ATP11A: variants seen among roughly 807,000 people sequenced by gnomAD.
The protein encoded by ATP11A is phospholipid-transporting ATPase IH.
Under a neutral mutation model 154.4 loss-of-function variants are expected in ATP11A, and 81 were observed. The ratio of observed to expected loss-of-function variants is 0.52; its 90% CI spans 0.44 to 0.63. The LOEUF is 0.63. Ranked by LOEUF, ATP11A falls within the 30% of genes least tolerant of loss-of-function variation. The pLI, the probability that ATP11A is intolerant of heterozygous loss-of-function variation, is 0.00. For synonymous variants in ATP11A, 623 were observed against 585.9 expected (o/e 1.06, Z -0.91); for missense variants, 1,316 against 1,474.3 (o/e 0.89, Z 1.76).
intron 1 of ATP11A, among the ~76,000 whole-genome samples, chr13:112,730,235 A>G (rs1594452533): frequency 6.6e-6 from 1 of 152,216 alleles, no homozygotes; most frequent in Non-Finnish European, 1.5e-5. Flanking sequence ...ATCTGCCAGG[A>G]CATGGGCAGC....
At chr13:112,857,789 G>A in intron 20 of ATP11A, 29 bp from the exon 21 acceptor site, 2 of 1,563,424 alleles carry the variant, frequency 1.3e-6, no homozygotes, top group African/African-American at 1.4e-5. Context: ...AAACAGAGAA[G>A]ATAAATTCCG....
chr13:112,856,097 C>A lies in ATP11A; in HGVS notation c.2418+12C>A. On this transcript the variant is annotated intron_variant, in intron 20 of 29. Transcript: ENST00000375645. ...TGCAGAAGGCTCAGGTGCTGCCCGC[C>A]CGTCCTCGATAGCTGGTGGTCAGGG... 6.2e-7 allele frequency: 1 copy of A among 1,607,232 alleles called. No individual in the cohort carries two copies. Among genetic ancestry groups the A allele is most frequent in the Non-Finnish European group, 8.5e-7 (1 of 1,176,846 alleles).
At chr13:112,738,929 A>G (rs1034058155) in intron 1 of ATP11A, among the ~76,000 whole-genome samples, 1 of 152,092 alleles carries the variant, frequency 6.6e-6, no homozygotes, top group African/African-American at 2.4e-5. Context: ...TGGGGTAGGA[A>G]GTGGCGTCTC....
Position 112,854,456 on chromosome 13 carries a change from G to C in ATP11A, c.2169G>C (p.Leu723=). ...LTTKRIEEQS[L]HDVLFELSKT... ...CCAAGAGGATCGAGGAGCAGAGCCT[G>C]CACGACGTCCTGTTCGAGCTGAGCA... Residue 723 remains leucine, a synonymous_variant, in exon 19 of 30, where the codon CTG becomes CTC. Coordinates refer to ENST00000375645, the MANE Select transcript of ATP11A (RefSeq NM_015205.3). 2 of 1,612,868 alleles carry C rather than the reference G, an allele frequency of 1.2e-6. No individual in the cohort carries two copies. The highest frequency in any genetic ancestry group is 1.7e-6 in the Non-Finnish European group (2 of 1,180,024).
chr13:112,823,366 G>C lies in ATP11A; in HGVS notation c.747G>C (p.Leu249=). 1 of 1,613,786 alleles carries C rather than the reference G, an allele frequency of 6.2e-7. No homozygotes were observed. The highest frequency in any genetic ancestry group is 8.5e-7 in the Non-Finnish European group (1 of 1,179,822). Residue 249 remains leucine, a synonymous_variant, in exon 9 of 30, where the codon CTG becomes CTC. Transcript: ENST00000375645. ...ACAGGCCCTTAGGATCGGAAAACCT[G>C]CTGCTTAGAGGAGCTACACTGAAGA... is the stretch of plus-strand genomic sequence containing the variant. ...PVVRPLGSEN[L]LLRGATLKNT...
At chr13:112,787,869 G>T (rs1011059718) in intron 2 of ATP11A, among the ~76,000 whole-genome samples, 8 of 148,916 alleles carry the variant, frequency 5.4e-5, no homozygotes, top group Admixed American at 4.0e-4. Flanking sequence ...AGACCCTTGT[G>T]GAGACCTACT....
At chr13:112,844,042 A>G (rs546288180) in intron 17 of ATP11A, among the ~76,000 whole-genome samples, 5 of 152,284 alleles carry the variant, frequency 3.3e-5, no homozygotes, top group Non-Finnish European at 7.4e-5. Context: ...TCGACACACA[A>G]TGAGCCTCAG....
Position 112,832,973 on chromosome 13 carries a change from G to T in ATP11A, c.1509G>T (p.Val503=). Residue 503 remains valine (V), a synonymous_variant, in exon 14 of 30, where the codon GTG becomes GTT. Coordinates refer to ENST00000375645, the MANE Select transcript of ATP11A (RefSeq NM_015205.3). ...RKSPDGGKSC[V]YISSSPDEVA... is the part of the protein sequence containing the mutation. ...CGCCGGACGGGGGGAAATCCTGTGT[G>T]TACATCTCATCCTCGCCCGACGAGG... 1 of 1,613,876 alleles carries T rather than the reference G, an allele frequency of 6.2e-7. No homozygotes were observed. Among genetic ancestry groups the T allele is most frequent in the Non-Finnish European group, 8.5e-7 (1 of 1,179,908 alleles).
rs1207787693 is a variant in ATP11A, at chr13:112,858,231, G to C, written c.2608G>C (p.Val870Leu). ...TAAGCATTTGAAGAAGATGCTGCTTGTTCACGGGCATTTTTATTACATTAG... is the reference window on the plus strand; with the variant it reads ...TAAGCATTTGAAGAAGATGCTGCTTCTTCACGGGCATTTTTATTACATTAG... ...KFKHLKKMLL[V>L]HGHFYYIRIS... Residue 870 changes from valine to leucine, a missense_variant, in exon 22 of 30, where the codon GTT (valine) becomes CTT (leucine). Val to Leu is a conservative substitution (Grantham distance 32). This residue lies in a region of ATP11A where 19 missense variants were observed against 46.6 expected (regional missense o/e 0.41). Coordinates refer to ENST00000375645, the MANE Select transcript of ATP11A (RefSeq NM_015205.3). The C allele has an allele frequency of 1.9e-6, 3 of 1,614,008 alleles. No individual in the cohort carries two copies. Among genetic ancestry groups the C allele is most frequent in the Non-Finnish European group, 1.7e-6 (2 of 1,180,014 alleles).
At position 112,753,402 on chromosome 13, in the gene ATP11A, C is replaced by T. The variant is rs2076742741; in HGVS notation, c.40-31733C>T. 6.6e-6 allele frequency among the ~76,000 whole-genome samples: 1 copy of T among 152,214 alleles called. No individual in the cohort carries two copies. Among genetic ancestry groups the T allele is most frequent in the African/African-American group, 2.4e-5 (1 of 41,462 alleles). ...AAGGGGGGTACGTTTGCGGTTTGCT[C>T]TGTCAGTGCCGTAGGAGGATGCCTG... is the stretch of plus-strand genomic sequence containing the variant. On this transcript the variant is annotated intron_variant, in intron 1 of 29. Coordinates refer to ENST00000375645, the MANE Select transcript of ATP11A (RefSeq NM_015205.3). This position sits in a 1 kb window ranked among gnomAD's most constrained non-coding sequence, Gnocchi z 4.1.
intron 12 of ATP11A, among the ~76,000 whole-genome samples, chr13:112,830,099 G>T (rs1001767396): frequency 6.6e-6 from 1 of 152,182 alleles, no homozygotes; most frequent in Non-Finnish European, 1.5e-5. Context: ...ATGAGGCTCT[G>T]CCCAGTGGCT....
intron 29 of ATP11A, chr13:112,880,763 GA>G: frequency 8.6e-7 from 1 of 1,164,596 alleles, no homozygotes; most frequent in Non-Finnish European, 1.1e-6. Flanking sequence ...CGGTGAGAAA[GA>G]GCAGCCCTCT....
At chr13:112,701,793 A>G (rs1049938665) in intron 1 of ATP11A, among the ~76,000 whole-genome samples, 1 of 151,962 alleles carries the variant, frequency 6.6e-6, no homozygotes, top group Non-Finnish European at 1.5e-5. Flanking sequence ...AGATCGCGCC[A>G]CTGCACTCCA....
intron 2 of ATP11A, among the ~76,000 whole-genome samples, chr13:112,797,284 CAAAAAAAAA>C (rs34154413): frequency 5.5e-5 from 2 of 36,282 alleles, no homozygotes; most frequent in South Asian, 1.6e-3. Context: ...AACTCCATCT[CAAAAAAAAA>C]AAAAAAAAAA....
intron 1 of ATP11A, among the ~76,000 whole-genome samples, chr13:112,732,965 A>G (rs1890646955): frequency 6.6e-6 from 1 of 152,166 alleles, no homozygotes; most frequent in Non-Finnish European, 1.5e-5. Flanking sequence ...CAGGTGTTGA[A>G]TTACAGTTTT....
At chr13:112,768,854 TG>T (rs2077160248) in intron 1 of ATP11A, among the ~76,000 whole-genome samples, 1 of 152,132 alleles carries the variant, frequency 6.6e-6, no homozygotes, top group Non-Finnish European at 1.5e-5. Context: ...TCCTGTAGGT[TG>T]GTTTCGCCCG....
intron 17 of ATP11A, among the ~76,000 whole-genome samples, chr13:112,842,868 C>T (rs780035481): frequency 1.8e-4 from 27 of 152,368 alleles, no homozygotes; most frequent in Non-Finnish European, 1.0e-4. Context: ...TGTATAGCAC[C>T]GCCCAGCAGC....
chr13:112,857,666 A>G (rs1358009590), intron 20 of ATP11A, 152 bp from the exon 21 acceptor site: 6 of 644,224 alleles, frequency 9.3e-6, no homozygotes, highest in Non-Finnish European at 1.6e-5. Flanking sequence ...TATATGGAGA[A>G]AACAGACAGA....
At chr13:112,830,762 A>G (rs1421101200) in intron 12 of ATP11A, among the ~76,000 whole-genome samples, 2 of 152,124 alleles carry the variant, frequency 1.3e-5, no homozygotes, top group Non-Finnish European at 2.9e-5. Flanking sequence ...CAGAACTCCT[A>G]CCTTCAGTTA....
Sources: allele counts gnomAD v4.1 joint callset (sites outside exome capture counted in the v4.1 genomes callset), GRCh38; gene constraint gnomAD v4.1.1; regional missense constraint gnomAD v4.1.1; non-coding constraint Gnocchi (gnomAD v3.1); transcripts MANE v1.5; gene names NCBI Gene and HGNC (gene_info 2026-07-23, HGNC 2026-07-21).